Variants in CDH18 observed in about 807,000 individuals in gnomAD.
The protein encoded by CDH18 is cadherin 18, also known as cadherin-18.
A neutral mutation model predicts 67.9 loss-of-function variants in CDH18; 31 were observed. That is an observed-to-expected ratio of 0.46 (90% CI 0.34 to 0.62). CDH18 has a LOEUF of 0.62. Ranked by LOEUF, CDH18 falls within the 20% of genes least tolerant of loss-of-function variation. The probability of loss-of-function intolerance (pLI) is 0.01; values close to 1 mark genes in which losing one functional copy is unlikely to be tolerated. For missense variants in CDH18, 890 were observed against 975.5 expected (o/e 0.91, Z 1.17); for synonymous variants, 362 against 347.2 (o/e 1.04, Z -0.48).
At chr5:19,906,228 T>C (rs532194399) in intron 2 of CDH18, among the ~76,000 whole-genome samples, 40 of 152,044 alleles carry the variant, frequency 2.6e-4, no homozygotes, top group African/African-American at 8.4e-4. Flanking sequence ...ATGCAATCCA[T>C]AGACATTAAT....
chr5:20,419,033 G>A (rs1225644697), intron 1 of CDH18, among the ~76,000 whole-genome samples: 1 of 151,958 alleles, frequency 6.6e-6, no homozygotes, highest in East Asian at 1.9e-4. Flanking sequence ...ATTTCAACTT[G>A]AAATTGTATC....
chr5:20,525,209 G>A (rs1199592396), intron 1 of CDH18, among the ~76,000 whole-genome samples: 1 of 152,002 alleles, frequency 6.6e-6, no homozygotes, highest in East Asian at 1.9e-4. Context: ...CTTGCTGGGG[G>A]GACTGCTGGA....
chr5:19,847,474 T>C (rs1016068469), intron 2 of CDH18, among the ~76,000 whole-genome samples: 2 of 152,138 alleles, frequency 1.3e-5, no homozygotes, highest in African/African-American at 4.8e-5. Flanking sequence ...ATTTAATCTC[T>C]TTGTTGATAT....
At chr5:19,549,960 T>C (rs926348817) in intron 8 of CDH18, among the ~76,000 whole-genome samples, 1 of 151,870 alleles carries the variant, frequency 6.6e-6, no homozygotes, top group Non-Finnish European at 1.5e-5. Flanking sequence ...GGAAAAACAG[T>C]TAAATAGAGA....
chr5:19,480,824 C>T lies in CDH18; in HGVS notation c.1882+2477G>A, dbSNP rs146856763. On this transcript the variant is annotated intron_variant, in intron 12 of 12. Transcript: ENST00000382275. ...GAAGTGCGGTGGTGTGATCATGGCT[C>T]ACTGCAGCCTCCAACTCCCAGGCTC... Among the ~76,000 whole-genome samples the T allele has an allele frequency of 9.2e-3, 1,405 of 152,152 alleles. 23 individuals are homozygous for T. Among genetic ancestry groups the T allele is most frequent in the African/African-American group, 0.032 (1,334 of 41,518 alleles).
At chr5:19,854,263 T>C (rs775382095) in intron 2 of CDH18, among the ~76,000 whole-genome samples, 12 of 152,130 alleles carry the variant, frequency 7.9e-5, no homozygotes, top group Non-Finnish European at 1.5e-5. Context: ...TGATATCTGA[T>C]TTGGCAAGAC....
chr5:20,254,994 T>C (rs563912078), intron 2 of CDH18, among the ~76,000 whole-genome samples: 58 of 152,198 alleles, frequency 3.8e-4, no homozygotes, highest in Non-Finnish European at 6.0e-4. Context: ...AAGGTCATAA[T>C]CTTAAGCAAA....
At chr5:20,298,369 T>G (rs552633987) in intron 1 of CDH18, among the ~76,000 whole-genome samples, 15 of 152,268 alleles carry the variant, frequency 9.9e-5, no homozygotes, top group African/African-American at 3.4e-4. Flanking sequence ...ACTTAATTTT[T>G]AGTGACTGCT....
chr5:20,400,130 A>T (rs547843228), intron 1 of CDH18, among the ~76,000 whole-genome samples: 1 of 152,298 alleles, frequency 6.6e-6, no homozygotes, highest in South Asian at 2.1e-4. Context: ...CGACTCATCT[A>T]CATGTTTGTA....
intron 2 of CDH18, among the ~76,000 whole-genome samples, chr5:20,240,281 A>AGTT (rs1554106294): frequency 1.1e-4 from 11 of 104,330 alleles, no homozygotes; most frequent in African/African-American, 2.2e-4. Context: ...TACTAAAAAA[A>AGTT]AGTTGGCAAT....
Position 20,308,079 on chromosome 5 carries a change from C to CTTTTT in CDH18, c.-579-52579_-579-52575dup, listed in dbSNP as rs759117114. Among the ~76,000 whole-genome samples the CTTTTT allele has an allele frequency of 2.1e-3, 182 of 85,424 alleles. 7 individuals are homozygous for CTTTTT. Among genetic ancestry groups the CTTTTT allele is most frequent in the African/African-American group, 9.3e-3 (172 of 18,426 alleles). 56.0% of individuals were successfully genotyped at this position (85,424 alleles called of 152,430 possible). On this transcript the variant is annotated intron_variant, in intron 1 of 14. Coordinates refer to the CDH18 transcript ENST00000507958. ...TTATTTGCCTCTTTGAATACTACTG[C>CTTTTT]TTTTTTTTTTTTTTTTTTTTTTTTT... is the stretch of plus-strand genomic sequence containing the variant.
chr5:20,048,306 AGT>A lies in CDH18; in HGVS notation c.-517-56294_-517-56293del, dbSNP rs552577907. On this transcript the variant is annotated intron_variant, in intron 2 of 14. Transcript: ENST00000507958. Reference sequence around the variant, plus strand: ...GCACTCAACGTGCTTACACTAATTTAGTGTATCATAAAATGAATCTCAGTACA... The same window carrying A: ...GCACTCAACGTGCTTACACTAATTTAGTATCATAAAATGAATCTCAGTACA... 1.8e-4 allele frequency among the ~76,000 whole-genome samples: 27 copies of A among 151,828 alleles called. No individual in the cohort carries two copies. In the East Asian group the frequency reaches 4.8e-3, roughly 27 times the overall value.
chr5:20,012,703 C>A (rs1737556143), intron 2 of CDH18, among the ~76,000 whole-genome samples: 5 of 151,974 alleles, frequency 3.3e-5, no homozygotes, highest in Non-Finnish European at 1.5e-5. Context: ...TACATATATA[C>A]CATGGAATAC....
intron 11 of CDH18, among the ~76,000 whole-genome samples, chr5:19,484,145 A>T (rs1364436263): frequency 1.3e-5 from 2 of 152,210 alleles, no homozygotes; most frequent in Admixed American, 6.5e-5. Flanking sequence ...TCATATTTTT[A>T]AAAATGTGTT....
intron 6 of CDH18, among the ~76,000 whole-genome samples, chr5:19,605,174 T>A (rs1347303248): frequency 6.6e-6 from 1 of 151,944 alleles, no homozygotes; most frequent in Non-Finnish European, 1.5e-5. Context: ...AATTGAAATG[T>A]CATGACTAGT....
At chr5:19,994,720 TATATATATATATATATATAGAGAGAGAG>T (rs1253089521) in intron 2 of CDH18, among the ~76,000 whole-genome samples, 13 of 22,696 alleles carry the variant, frequency 5.7e-4, no homozygotes, top group African/African-American at 1.3e-3. Context: ...TATATATATA[TATATATATATATATATATAGAGAGAGAG>T]AGAGAGAGAG....
At chr5:20,334,128 A>ATTTTTTTTT (rs1390783093) in intron 1 of CDH18, among the ~76,000 whole-genome samples, 122 of 118,246 alleles carry the variant, frequency 1.0e-3, no homozygotes, top group Middle Eastern at 4.6e-3. Flanking sequence ...TCTGACTTGA[A>ATTTTTTTTT]TTCTTTTTTT....
At chr5:19,843,692 A>G (rs1561423890) in intron 2 of CDH18, among the ~76,000 whole-genome samples, 1 of 152,224 alleles carries the variant, frequency 6.6e-6, no homozygotes, top group Non-Finnish European at 1.5e-5. Context: ...AAAAAGCTAA[A>G]GACACTCAAT....
At chr5:20,424,329 T>C (rs967251353) in intron 1 of CDH18, among the ~76,000 whole-genome samples, 1 of 150,976 alleles carries the variant, frequency 6.6e-6, no homozygotes, top group Non-Finnish European at 1.5e-5. Flanking sequence ...CGTATGTTTT[T>C]TCCAACAGCA....
Sources: gnomAD v4.1 joint callset for allele counts (sites outside exome capture counted in the v4.1 genomes callset) on GRCh38, gnomAD v4.1.1 for gene constraint, MANE v1.5 for transcripts, NCBI Gene and HGNC (gene_info 2026-07-23, HGNC 2026-07-21) for gene names.